The following SUSD6 variants were observed in gnomAD, a reference collection of about 807,000 sequenced individuals.
SUSD6 encodes sushi domain-containing protein 6.
Under a neutral mutation model 28.4 loss-of-function variants are expected in SUSD6, and 16 were observed. The ratio of observed to expected loss-of-function variants is 0.56; its 90% CI spans 0.38 to 0.86. The LOEUF (loss-of-function observed/expected upper bound fraction) is 0.86. Ranked by LOEUF, SUSD6 falls within the 40% of genes least tolerant of loss-of-function variation. The probability of loss-of-function intolerance (pLI) is 0.00; values close to 1 mark genes in which losing one functional copy is unlikely to be tolerated. For missense variants in SUSD6, 341 were observed against 384.2 expected, an observed-to-expected ratio of 0.89 and a Z score of 0.94; for synonymous variants, 147 against 159.6, an observed-to-expected ratio of 0.92 and a Z score of 0.59.
intron 3 of SUSD6, among the ~76,000 whole-genome samples, chr14:69,704,187 C>T (rs1438828702): frequency 6.6e-6 from 1 of 152,182 alleles, no homozygotes; most frequent in Non-Finnish European, 1.5e-5. Flanking sequence ...TATTACAGTC[C>T]AGTTTCTGTA....
intron 2 of SUSD6, among the ~76,000 whole-genome samples, chr14:69,687,895 CT>C (rs1369454975): frequency 6.6e-5 from 10 of 151,652 alleles, no homozygotes; most frequent in Admixed American, 5.3e-4. Flanking sequence ...TTTTTTTTCC[CT>C]TTTCAACTTT....
At chr14:69,613,728 G>A (rs1308028486) in intron 1 of SUSD6, among the ~76,000 whole-genome samples, 9 of 152,158 alleles carry the variant, frequency 5.9e-5, no homozygotes, top group Non-Finnish European at 1.0e-4. Context: ...GGACAGTATT[G>A]GTATGAGTCC....
intron 2 of SUSD6, among the ~76,000 whole-genome samples, chr14:69,695,745 G>A (rs1354001154): frequency 6.6e-6 from 1 of 152,210 alleles, no homozygotes; most frequent in South Asian, 2.1e-4. Context: ...TGGCTCATCT[G>A]TGTAATGCAT....
Position 69,708,620 on chromosome 14 carries a change from C to T in SUSD6, c.459-57C>T, listed in dbSNP as rs894950950. ...GCGGCTGCTATTATTATTATCATGC[C>T]TGTTTCTCTGTGTGTTTATTCTAAT... is the stretch of plus-strand genomic sequence containing the variant. On this transcript the variant is annotated intron_variant, in intron 4 of 5. Transcript: ENST00000342745. 9.4e-6 allele frequency: 13 copies of T among 1,381,592 alleles called. No individual in the cohort carries two copies. The African/African-American group carries it at 1.6e-4, about 17-fold the overall frequency. The allele number at this position is 1,381,592 out of a possible 1,614,324, so 85.6% of individuals were successfully genotyped here.
intron 2 of SUSD6, among the ~76,000 whole-genome samples, chr14:69,685,630 A>G (rs1250972191): frequency 2.0e-5 from 3 of 152,160 alleles, no homozygotes; most frequent in Non-Finnish European, 4.4e-5. Context: ...CCTCATTTGT[A>G]TGTGGACCTA....
intron 2 of SUSD6, among the ~76,000 whole-genome samples, chr14:69,669,146 C>T (rs371533076): frequency 6.8e-6 from 1 of 147,332 alleles, no homozygotes; most frequent in African/African-American, 2.5e-5. Flanking sequence ...TCACTGCAAC[C>T]TCCACCTCCC....
chr14:69,683,047 T>C (rs1886021431), intron 2 of SUSD6, among the ~76,000 whole-genome samples: 1 of 150,138 alleles, frequency 6.7e-6, no homozygotes, highest in Admixed American at 6.7e-5. Context: ...ACCTCCTGTT[T>C]AAACAGGGTG....
chr14:69,639,786 G>A (rs1425251048), intron 1 of SUSD6, among the ~76,000 whole-genome samples: 1 of 152,082 alleles, frequency 6.6e-6, no homozygotes, highest in Non-Finnish European at 1.5e-5. Context: ...GACATGCCTT[G>A]CTCTATCCAT....
intron 4 of SUSD6, among the ~76,000 whole-genome samples, chr14:69,706,134 G>T (rs530749001): frequency 6.6e-6 from 1 of 152,284 alleles, no homozygotes; most frequent in South Asian, 2.1e-4. Flanking sequence ...TTGGGAAGAG[G>T]CTAGCAGTTA....
chr14:69,669,588 G>A (rs767012512), intron 2 of SUSD6, among the ~76,000 whole-genome samples: 1 of 152,192 alleles, frequency 6.6e-6, no homozygotes, highest in East Asian at 1.9e-4. Flanking sequence ...CTCTACGTCT[G>A]TTTCTAAAGA....
intron 1 of SUSD6, among the ~76,000 whole-genome samples, chr14:69,616,536 G>T (rs972931179): frequency 6.6e-6 from 1 of 152,184 alleles, no homozygotes; most frequent in African/African-American, 2.4e-5. Context: ...CAAACTAAGT[G>T]GACGGAGGCT....
chr14:69,694,326 A>G (rs1478595984), intron 2 of SUSD6, among the ~76,000 whole-genome samples: 14 of 152,222 alleles, frequency 9.2e-5, no homozygotes, highest in Admixed American at 8.5e-4. Context: ...CTTTACCTGC[A>G]TAGTTGTGAT....
chr14:69,628,637 C>T (rs1248323118), intron 1 of SUSD6, among the ~76,000 whole-genome samples: 1 of 151,998 alleles, frequency 6.6e-6, no homozygotes, highest in Non-Finnish European at 1.5e-5. Flanking sequence ...ATCAGGAAAC[C>T]AAGCTCTGAA....
chr14:69,690,614 C>T (rs1393180009), intron 2 of SUSD6, among the ~76,000 whole-genome samples: 1 of 152,158 alleles, frequency 6.6e-6, no homozygotes, highest in Non-Finnish European at 1.5e-5. Flanking sequence ...TGTCCAGAAT[C>T]AGTTGGTGAA....
chr14:69,634,533 T>A (rs974029751), intron 1 of SUSD6, among the ~76,000 whole-genome samples: 1 of 152,202 alleles, frequency 6.6e-6, no homozygotes. Context: ...CCCTTTCATT[T>A]CTTAGATCCA....
chr14:69,657,053 A>G (rs1345383290), intron 1 of SUSD6, among the ~76,000 whole-genome samples: 6 of 152,196 alleles, frequency 3.9e-5, no homozygotes, highest in East Asian at 1.9e-4. Flanking sequence ...ACCTTTGACA[A>G]TTCTCACAGA....
At chr14:69,670,261 G>T (rs1002863492) in intron 2 of SUSD6, among the ~76,000 whole-genome samples, 2 of 152,220 alleles carry the variant, frequency 1.3e-5, no homozygotes, top group Admixed American at 6.5e-5. Flanking sequence ...CAGGAACTGT[G>T]CTCTGCACTG....
At chr14:69,650,603 C>T (rs998650325) in intron 1 of SUSD6, among the ~76,000 whole-genome samples, 7 of 152,274 alleles carry the variant, frequency 4.6e-5, no homozygotes, top group East Asian at 1.9e-4. Context: ...CAGGAACTTA[C>T]GACAGGCTTT....
intron 4 of SUSD6, among the ~76,000 whole-genome samples, chr14:69,708,319 C>T (rs2139648219): frequency 6.6e-6 from 1 of 152,298 alleles, no homozygotes; most frequent in Non-Finnish European, 1.5e-5. Flanking sequence ...TTCTGGGTCT[C>T]TAGGCTCCTA....
Sources: gnomAD v4.1 joint callset for allele counts (sites outside exome capture counted in the v4.1 genomes callset) on GRCh38, gnomAD v4.1.1 for gene constraint, MANE v1.5 for transcripts, NCBI Gene and HGNC (gene_info 2026-07-23, HGNC 2026-07-21) for gene names.